The following REV1 variants were observed in gnomAD, a reference collection of about 807,000 sequenced individuals.
The protein encoded by REV1 is translesion synthesis protein REV1.
Under a neutral mutation model 137.4 loss-of-function variants are expected in REV1, and 42 were observed. The ratio of observed to expected loss-of-function variants is 0.31; its 90% CI spans 0.24 to 0.40. The LOEUF is 0.40. Ranked by LOEUF, REV1 falls within the 10% of genes least tolerant of loss-of-function variation. The probability of loss-of-function intolerance (pLI) is 1.00; values close to 1 mark genes in which losing one functional copy is unlikely to be tolerated. For synonymous variants in REV1, 524 were observed against 519.2 expected (o/e 1.01, Z -0.12); for missense variants, 1,282 against 1,490.1 (o/e 0.86, Z 2.30).
rs28369966 is a variant in REV1, at chr2:99,448,759, G to T, written c.350+577C>A. Among the ~76,000 whole-genome samples the T allele has an allele frequency of 4.2e-3, 641 of 152,224 alleles. 22 individuals are homozygous for T. The East Asian group carries it at 0.095, about 23-fold the overall frequency. ...CAGAACACTGCCTAGTCTTTAAGAG[G>T]TGCACACATATTTGTTGAATAACAC... On this transcript the variant is annotated intron_variant, in intron 4 of 22. Coordinates refer to ENST00000258428, the MANE Select transcript of REV1 (RefSeq NM_016316.4).
At chr2:99,402,454 G>T in intron 21 of REV1, 108 bp from the exon 22 acceptor site, 1 of 784,552 alleles carries the variant, frequency 1.3e-6, no homozygotes, top group Non-Finnish European at 2.1e-6. Flanking sequence ...GTCACTAACA[G>T]CTATCAAAGG....
At chr2:99,479,644 TAAA>T (rs912085130) in intron 1 of REV1, among the ~76,000 whole-genome samples, 1 of 150,582 alleles carries the variant, frequency 6.6e-6, no homozygotes, top group Admixed American at 6.6e-5. Context: ...ATAAAAATAA[TAAA>T]AAGAGCCAGG....
chr2:99,401,289 G>T lies in REV1; in HGVS notation c.3708C>A (p.Val1236=). ...CATAAGTTTGTTGTAAAACCACCTG[G>T]ACATTGTCAAGAATAAAGTCAAATG... ...NMAFDFILDN[V]QVVLQQTYGS... is the part of the protein sequence containing the mutation. Residue 1236 remains valine (V), a synonymous_variant, in exon 23 of 23, where the codon GTC becomes GTA. Coordinates refer to ENST00000258428, the MANE Select transcript of REV1 (RefSeq NM_016316.4). 1 of 1,613,676 alleles carries T rather than the reference G, an allele frequency of 6.2e-7. No individual in the cohort carries two copies. The highest frequency in any genetic ancestry group is 8.5e-7 in the Non-Finnish European group (1 of 1,179,754).
rs373313528 is a variant in REV1 at position 99,404,305 on chromosome 2, TCTCCCCTCCCCTCCC to T, written c.3045+124_3045+138del. 4.9e-5 allele frequency: 34 copies of T among 691,636 alleles called. 1 individual carries two copies. In the Admixed American group the frequency reaches 8.7e-4, roughly 18 times the overall value. The allele number at this position is 691,636 out of a possible 1,614,324, so 42.8% of individuals were successfully genotyped here. On this transcript the variant is annotated intron_variant, in intron 18 of 22. Coordinates refer to ENST00000258428, the MANE Select transcript of REV1 (RefSeq NM_016316.4). ...ATGCAGGAGATGGAGACAAGCCCAC[TCTCCCCTCCCCTCCC>T]CTCCCCTCCCCAGTGGATGTGGTGT...
At position 99,445,451 on chromosome 2, in the gene REV1, C is replaced by T. The variant is rs997213029; in HGVS notation, c.351-2982G>A. Among the ~76,000 whole-genome samples, 19 of 152,102 alleles carry T rather than the reference C, an allele frequency of 1.2e-4. 1 individual carries two copies. The highest frequency in any genetic ancestry group is 4.6e-4 in the African/African-American group (19 of 41,424). On this transcript the variant is annotated intron_variant, in intron 4 of 22. Coordinates refer to ENST00000258428, the MANE Select transcript of REV1 (RefSeq NM_016316.4). ...GATATACAAATATAAAAAACCCACG[C>T]TACAAGGTTCTCAATCTACAAGGAT...
chr2:99,464,967 T>C lies in REV1; in HGVS notation c.9A>G (p.Arg3=), dbSNP rs747215539. 6.2e-7 allele frequency: 1 copy of C among 1,612,894 alleles called. No homozygotes were observed. Among genetic ancestry groups the C allele is most frequent in the East Asian group, 2.2e-5 (1 of 44,786 alleles). MR[R]GGWRKRAEND... is the part of the protein sequence containing the mutation. ...TTTCAGCTCGCTTCCTCCATCCACC[T>C]CGCCTCATGGTGGAGCTTCTGTATT... The change falls in exon 2 of 23, where the codon CGA becomes CGG. Residue 3 remains arginine, a synonymous_variant. Coordinates refer to ENST00000258428, the MANE Select transcript of REV1 (RefSeq NM_016316.4).
chr2:99,461,050 T>C (rs938349031), intron 3 of REV1, among the ~76,000 whole-genome samples: 3 of 152,202 alleles, frequency 2.0e-5, no homozygotes, highest in African/African-American at 7.2e-5. Flanking sequence ...TAATTTTTCA[T>C]AGAGCATCTC....
At chr2:99,483,073 A>C (rs557564376) in intron 1 of REV1, among the ~76,000 whole-genome samples, 10 of 152,236 alleles carry the variant, frequency 6.6e-5, no homozygotes, top group African/African-American at 1.9e-4. Context: ...TTGAAGAAGA[A>C]ATTGTTAAAA....
intron 4 of REV1, 110 bp from the exon 5 acceptor site, chr2:99,442,579 C>T: frequency 9.9e-7 from 1 of 1,005,400 alleles, no homozygotes; most frequent in East Asian, 2.5e-5. Context: ...AACAGGTCAT[C>T]TGTTTTCCTA....
At chr2:99,479,298 G>GA (rs201771253) in intron 1 of REV1, among the ~76,000 whole-genome samples, 1,774 of 140,346 alleles carry the variant, frequency 0.013, 21 homozygotes, top group Admixed American at 0.02. Flanking sequence ...CTGCACTCCA[G>GA]CCTGGGTGAC....
intron 14 of REV1, among the ~76,000 whole-genome samples, chr2:99,409,396 T>C (rs1022301234): frequency 6.6e-6 from 1 of 152,236 alleles, no homozygotes; most frequent in African/African-American, 2.4e-5. Flanking sequence ...ATACTTCATA[T>C]TGTAAGTAGC....
At chr2:99,481,338 TAA>T (rs1410906271) in intron 1 of REV1, among the ~76,000 whole-genome samples, 1 of 152,216 alleles carries the variant, frequency 6.6e-6, no homozygotes, top group Non-Finnish European at 1.5e-5. Flanking sequence ...TTTATGTAAT[TAA>T]AACATTTAAC....
At chr2:99,434,514 A>C (rs1680493071) in intron 7 of REV1, 66 bp from the exon 8 acceptor site, 1 of 1,034,458 alleles carries the variant, frequency 9.7e-7, no homozygotes, top group Non-Finnish European at 1.4e-6. Context: ...GTAAGCAAAA[A>C]TTTTTCAAAG....
At chr2:99,463,630 T>A (rs1392722569) in intron 2 of REV1, among the ~76,000 whole-genome samples, 1 of 152,316 alleles carries the variant, frequency 6.6e-6, no homozygotes, top group East Asian at 1.9e-4. Flanking sequence ...GAGCATATTT[T>A]ATTTTATTTT....
At chr2:99,438,149 A>G (rs28382886) in intron 6 of REV1, among the ~76,000 whole-genome samples, 2 of 152,250 alleles carry the variant, frequency 1.3e-5, no homozygotes, top group African/African-American at 4.8e-5. Context: ...GATGTGAAAT[A>G]ATCTCACTGA....
intron 10 of REV1, 82 bp from the exon 11 acceptor site, chr2:99,421,735 CCTCT>C: frequency 7.2e-7 from 1 of 1,396,762 alleles, no homozygotes; most frequent in East Asian, 2.5e-5. Flanking sequence ...GTCTTCTTAT[CCTCT>C]CTTTTTTCTA....
At chr2:99,404,759 T>C in intron 17 of REV1, 82 bp from the exon 18 acceptor site, 1 of 927,040 alleles carries the variant, frequency 1.1e-6, no homozygotes, top group Non-Finnish European at 1.7e-6. Flanking sequence ...CCACTTTAAA[T>C]TTCAATTTGA....
intron 4 of REV1, among the ~76,000 whole-genome samples, chr2:99,445,979 A>T (rs1364189117): frequency 6.6e-6 from 1 of 152,234 alleles, no homozygotes; most frequent in Non-Finnish European, 1.5e-5. Context: ...ATACATGTTA[A>T]AATTTTTAAG....
At chr2:99,489,519 G>A (rs1334721863) in intron 1 of REV1, among the ~76,000 whole-genome samples, 1 of 118 alleles carries the variant, frequency 8.5e-3, no homozygotes, top group Non-Finnish European at 0.017. Context: ...GGTCGGCGCG[G>A]GGCGGCCCAT....
Sources: allele counts gnomAD v4.1 joint callset (sites outside exome capture counted in the v4.1 genomes callset), GRCh38; gene constraint gnomAD v4.1.1; transcripts MANE v1.5; gene names NCBI Gene and HGNC (gene_info 2026-07-23, HGNC 2026-07-21).